Variants in YIPF3 observed in about 807,000 individuals in gnomAD.
The protein encoded by YIPF3 is Yip1 domain family member 3.
In YIPF3, 18 loss-of-function variants were observed where a neutral mutation model predicts 40.3. The ratio of observed to expected loss-of-function variants is 0.45; its 90% CI spans 0.31 to 0.66. YIPF3 has a LOEUF of 0.66. Ranked by LOEUF, YIPF3 falls within the 30% of genes least tolerant of loss-of-function variation. YIPF3 has a pLI of 0.07. For synonymous variants in YIPF3, 190 were observed against 179.6 expected, an observed-to-expected ratio of 1.06 and a Z score of -0.46; for missense variants, 406 against 452.2, an observed-to-expected ratio of 0.90 and a Z score of 0.93.
In YIPF3 at chr6:43,512,123, C is replaced by T. The variant is rs200080041; in HGVS notation, c.*44G>A. On this transcript the variant is annotated 3_prime_UTR_variant, in exon 9 of 9. Transcript: ENST00000372422. ...TGTCCTTTAATAGTCTTCCTCCTCTCTGCAGCTGCGGGAAAGAGGACTGGC... is the reference window on the plus strand; with the variant it reads ...TGTCCTTTAATAGTCTTCCTCCTCTTTGCAGCTGCGGGAAAGAGGACTGGC... The T allele has an allele frequency of 6.2e-7, 1 of 1,612,764 alleles. No homozygotes were observed. The highest frequency in any genetic ancestry group is 1.7e-5 in the Admixed American group (1 of 59,868).
Position 43,512,803 on chromosome 6 carries a change from G to A in YIPF3, c.738C>T (p.Tyr246=). 1.2e-6 allele frequency: 2 copies of A among 1,614,074 alleles called. No homozygotes were observed. Among genetic ancestry groups the A allele is most frequent in the African/African-American group, 1.3e-5 (1 of 75,056 alleles). The change falls in exon 7 of 9, where the codon TAC becomes TAT. Residue 246 remains tyrosine, a synonymous_variant. Transcript: ENST00000372422. ...GTCCACCCACCAACAGCCAGAAGAG[G>A]TAGAAGAGGGCGTGGAGGTGGATAT... is the stretch of plus-strand genomic sequence containing the variant. ...TYNIHLHALF[Y]LFWLLVGGLS... is the part of the protein sequence containing the mutation.
chr6:43,515,238 C>A (rs369082211), intron 3 of YIPF3: 33 of 460,876 alleles, frequency 7.2e-5, no homozygotes, highest in Non-Finnish European at 1.3e-4. Flanking sequence ...GTGATCCGCC[C>A]GCCTCGGCCT....
rs1792697698 is a variant in YIPF3, at chr6:43,512,689, G to C, written c.780+72C>G. On this transcript the variant is annotated intron_variant, in intron 7 of 8. Coordinates refer to ENST00000372422, the MANE Select transcript of YIPF3 (RefSeq NM_015388.4). ...CCCATTTAGGGCTCTTTGTGAGATG[G>C]ACAGCTCCAGGCTGTCTTCCCCAAC... The C allele has an allele frequency of 2.4e-5, 38 of 1,563,920 alleles. 1 individual carries two copies. The South Asian group carries it at 4.4e-4, about 18-fold the overall frequency.
At chr6:43,512,624 C>T (rs1476889252) in intron 7 of YIPF3, 61 bp from the exon 8 acceptor site, 1 of 1,557,344 alleles carries the variant, frequency 6.4e-7, no homozygotes, top group East Asian at 2.3e-5. Flanking sequence ...GGGGACAAGA[C>T]ACCCCCACCC....
At chr6:43,514,930 G>A (rs1450247441) in intron 3 of YIPF3, among the ~76,000 whole-genome samples, 1 of 151,874 alleles carries the variant, frequency 6.6e-6, no homozygotes, top group Non-Finnish European at 1.5e-5. Flanking sequence ...CTGGAAGGAA[G>A]ATTCCAGGAA....
intron 1 of YIPF3, 51 bp downstream of exon 1, chr6:43,516,666 AGACACTTCTG>A: frequency 6.3e-7 from 1 of 1,591,336 alleles, no homozygotes; most frequent in Non-Finnish European, 8.6e-7. Context: ...GGAATCCCCA[AGACACTTCTG>A]GACATCGCCG....
At position 43,516,881 on chromosome 6, in the gene YIPF3, A is replaced by C. The variant is rs921494460; in HGVS notation, c.-74T>G. 8.7e-6 allele frequency: 13 copies of C among 1,486,372 alleles called. No homozygotes were observed. The highest frequency in any genetic ancestry group is 1.7e-4 in the Middle Eastern group (1 of 5,860). The allele number at this position is 1,486,372 out of a possible 1,614,324, so 92.1% of individuals were successfully genotyped here. ...GAGTGGGCAAGATGTGGGCCTCCGG[A>C]AGGTAGACGTCCAGGGTCGAGGAGA... On this transcript the variant is annotated 5_prime_UTR_variant, in exon 1 of 9. Transcript: ENST00000372422.
rs766243740 is a variant in YIPF3, at chr6:43,512,747, C to T, written c.780+14G>A. 2 of 1,610,522 alleles carry T rather than the reference C, an allele frequency of 1.2e-6. No homozygotes were observed. Among genetic ancestry groups the T allele is most frequent in the South Asian group, 1.1e-5 (1 of 90,666 alleles). On this transcript the variant is annotated intron_variant, in intron 7 of 8. Transcript: ENST00000372422. ...GAGGACAGCCCACCCCTGGAAGCCTCTTGCCCAGCTTACCATGCGCAGTGT... is the reference window on the plus strand; with the variant it reads ...GAGGACAGCCCACCCCTGGAAGCCTTTTGCCCAGCTTACCATGCGCAGTGT...
Position 43,513,219 on chromosome 6 carries a change from A to G in YIPF3, c.535-19T>C, listed in dbSNP as rs1215509887. 1.2e-6 allele frequency: 2 copies of G among 1,613,994 alleles called. No individual in the cohort carries two copies. The highest frequency in any genetic ancestry group is 3.3e-5 in the Admixed American group (2 of 60,004). On this transcript the variant is annotated intron_variant, in intron 5 of 8. Coordinates refer to ENST00000372422, the MANE Select transcript of YIPF3 (RefSeq NM_015388.4). ...CCTCCCGCTGTGGGGTGAAGGCTCTATTTAGTCCTAGGAGGCCTCTGATCT... is the reference window on the plus strand; with the variant it reads ...CCTCCCGCTGTGGGGTGAAGGCTCTGTTTAGTCCTAGGAGGCCTCTGATCT...
Position 43,515,919 on chromosome 6 carries a change from C to G in YIPF3, c.258G>C (p.Lys86Asn). 6.2e-7 allele frequency: 1 copy of G among 1,610,508 alleles called. No individual in the cohort carries two copies. Among genetic ancestry groups the G allele is most frequent in the Non-Finnish European group, 8.5e-7 (1 of 1,177,942 alleles). Residue 86 changes from lysine to asparagine, a missense_variant, in exon 2 of 9, where the codon AAG (lysine) becomes AAC (asparagine). Physicochemically the swap from Lys to Asn is moderately conservative, Grantham distance 94. Transcript: ENST00000372422. ...CTGCCACCTGCCGGCTCAGCTGTCC[C>G]TTAAAGCCCTTCATGCCCAGGAACT... ...DGEFLGMKGF[K>N]GQLSRQVADQ... is the part of the protein sequence containing the mutation.
chr6:43,516,337 T>C, intron 1 of YIPF3: 2 of 905,322 alleles, frequency 2.2e-6, no homozygotes, highest in Non-Finnish European at 3.2e-6. Context: ...CTATGTTACC[T>C]ATCAAAGACT....
In YIPF3 at chr6:43,512,064, T is replaced by C; in HGVS notation, c.*103A>G. The C allele has an allele frequency of 6.5e-7, 1 of 1,545,624 alleles. No individual in the cohort carries two copies. ...TACGCAGCTACAGCTCAGTGGCAGC[T>C]GCAAACCCCATCTACGAAACATGTC... On this transcript the variant is annotated 3_prime_UTR_variant, in exon 9 of 9. Transcript: ENST00000372422.
At chr6:43,513,036 C>A (rs1245521846) in intron 6 of YIPF3, 33 bp downstream of exon 6, 1 of 1,612,538 alleles carries the variant, frequency 6.2e-7, no homozygotes, top group South Asian at 1.1e-5. Flanking sequence ...CTCTTTTTAA[C>A]ATCACTCTTG....
In YIPF3 at chr6:43,513,353, G is replaced by C; in HGVS notation, c.534+6C>G. 1 of 1,614,136 alleles carries C rather than the reference G, an allele frequency of 6.2e-7. No homozygotes were observed. The highest frequency in any genetic ancestry group is 8.5e-7 in the Non-Finnish European group (1 of 1,179,990). On this transcript the variant is annotated splice_donor_region_variant and intron_variant, in intron 5 of 8. Transcript: ENST00000372422. ...CCACCCCCCCAAAGTTGTCTGTCCT[G>C]CTTACGATAATAGTGTCAGACGTCT...
At position 43,511,893 on chromosome 6, in the gene YIPF3, G is replaced by C. The variant is rs189320330; in HGVS notation, c.*274C>G. The C allele has an allele frequency of 1.6e-4, 79 of 484,774 alleles. No individual in the cohort carries two copies. The highest frequency in any genetic ancestry group is 1.2e-3 in the African/African-American group (58 of 50,230). The allele number at this position is 484,774 out of a possible 1,614,324, so 30.0% of individuals were successfully genotyped here. ...ATATTTAGCAAGACAATGTGGGAGA[G>C]ATAAAGAGGAAGGAAGGGGTAGGTG... On this transcript the variant is annotated 3_prime_UTR_variant, in exon 9 of 9. Coordinates refer to ENST00000372422, the MANE Select transcript of YIPF3 (RefSeq NM_015388.4).
intron 3 of YIPF3, among the ~76,000 whole-genome samples, chr6:43,514,298 G>C (rs578154061): frequency 1.3e-5 from 2 of 152,210 alleles, no homozygotes; most frequent in East Asian, 3.9e-4. Context: ...AGAGTACCCA[G>C]AATTCAGGGT....
At chr6:43,513,520 T>G in intron 4 of YIPF3, 68 bp downstream of exon 4, 1 of 1,610,036 alleles carries the variant, frequency 6.2e-7, no homozygotes, top group Non-Finnish European at 8.5e-7. Flanking sequence ...TCCCAGGATT[T>G]GCCTGGTGGT....
chr6:43,515,817 C>T, intron 2 of YIPF3, 72 bp downstream of exon 2: 2 of 1,593,990 alleles, frequency 1.3e-6, no homozygotes. Flanking sequence ...CGAACATCAC[C>T]AACACCAATT....
At chr6:43,515,291 T>C (rs758618012) in intron 3 of YIPF3, 8 of 497,620 alleles carry the variant, frequency 1.6e-5, no homozygotes, top group South Asian at 1.1e-4. Context: ...CATGCCCGGC[T>C]GGCAAGCACA....
Sources: gnomAD v4.1 joint callset for allele counts (sites outside exome capture counted in the v4.1 genomes callset) on GRCh38, gnomAD v4.1.1 for gene constraint, MANE v1.5 for transcripts, NCBI Gene and HGNC (gene_info 2026-07-23, HGNC 2026-07-21) for gene names.